Variants in PROM1 observed in about 807,000 individuals in gnomAD.
The protein encoded by PROM1 is prominin 1, also known as prominin-1.
PROM1 carries 105 observed loss-of-function variants against 116.9 expected under a neutral mutation model. The ratio of observed to expected loss-of-function variants is 0.90; its 90% CI spans 0.77 to 1.06. The LOEUF (loss-of-function observed/expected upper bound fraction) is 1.06, where lower values mean the gene tolerates loss of function less well. Ranked by LOEUF, PROM1 falls within the 50% of genes least tolerant of loss-of-function variation. The pLI, the probability that PROM1 is intolerant of heterozygous loss-of-function variation, is 0.00. For missense variants in PROM1, 1,122 were observed against 1,045.2 expected (o/e 1.07, Z -1.01); for synonymous variants, 393 against 387.0 (o/e 1.02, Z -0.18).
chr4:16,006,835 G>T (rs760603113), intron 12 of PROM1, 145 bp from the exon 13 acceptor site: 15 of 799,560 alleles, frequency 1.9e-5, no homozygotes, highest in Non-Finnish European at 2.9e-5. Context: ...GGACAATAAT[G>T]TTGAGTGAAA....
intron 13 of PROM1, 78 bp downstream of exon 13, chr4:16,006,460 T>G: frequency 2.7e-6 from 4 of 1,457,982 alleles, no homozygotes; most frequent in Non-Finnish European, 3.7e-6. Context: ...GGCGCCGGGT[T>G]CATGTAACAC....
Position 16,013,278 on chromosome 4 carries a change from C to T in PROM1, c.1138G>A (p.Ala380Thr). 1 of 1,604,682 alleles carries T rather than the reference C, an allele frequency of 6.2e-7. No homozygotes were observed. Among genetic ancestry groups the T allele is most frequent in the Non-Finnish European group, 8.5e-7 (1 of 1,171,494 alleles). The stretch of plus-strand genomic sequence containing the variant: ...CACCTCAAACTGTGAATCTCACCTG[C>T]TACGACAGTCGTGGTTTGGCGTTGT... ...RVQRQTTTVV[A>T]GIKRVLNSIG... The change falls in exon 11 of 28, where the codon GCA (alanine) becomes ACA (threonine). Residue 380 changes from alanine to threonine, a missense_variant. Coordinates refer to ENST00000447510, the MANE Select transcript of PROM1 (RefSeq NM_006017.3).
intron 14 of PROM1, among the ~76,000 whole-genome samples, chr4:16,000,006 T>C (rs1389267521): frequency 6.6e-6 from 1 of 152,210 alleles, no homozygotes; most frequent in Non-Finnish European, 1.5e-5. Flanking sequence ...CTGGTGGCAC[T>C]ACTAGACGTG....
At chr4:16,013,697 T>G (rs1727517465) in intron 10 of PROM1, among the ~76,000 whole-genome samples, 1 of 152,148 alleles carries the variant, frequency 6.6e-6, no homozygotes, top group Admixed American at 6.5e-5. Context: ...TTTGGCAAAG[T>G]CTGGAGACAT....
chr4:16,011,569 G>A (rs990605714), intron 11 of PROM1, among the ~76,000 whole-genome samples: 1 of 152,208 alleles, frequency 6.6e-6, no homozygotes, highest in Non-Finnish European at 1.5e-5. Flanking sequence ...ACAATTTGCT[G>A]TGTCAGACTT....
chr4:16,006,354 C>T (rs1347569427), intron 13 of PROM1, among the ~76,000 whole-genome samples, 184 bp downstream of exon 13: 2 of 152,180 alleles, frequency 1.3e-5, no homozygotes, highest in Non-Finnish European at 2.9e-5. Flanking sequence ...AATGTTTAGG[C>T]TTGACAGAAG....
In PROM1 at chr4:16,002,106, TGAG is replaced by T. The variant is rs537176880; in HGVS notation, c.1455-1490_1455-1488del. On this transcript the variant is annotated intron_variant, in intron 13 of 27. Coordinates refer to ENST00000447510, the MANE Select transcript of PROM1 (RefSeq NM_006017.3). ...GTTGCATGATGGCTTCTATTTTCTC[TGAG>T]AAGAAGGAGGTAAAGCCATCTGCTG... 1.0e-3 allele frequency among the ~76,000 whole-genome samples: 153 copies of T among 151,840 alleles called. 1 individual carries two copies. The highest frequency in any genetic ancestry group is 3.6e-3 in the African/African-American group (148 of 41,384).
At position 15,989,807 on chromosome 4, in the gene PROM1, C is replaced by T. The variant is rs938627050; in HGVS notation, c.2001G>A (p.Arg667=). The T allele has an allele frequency of 1.9e-6, 3 of 1,605,112 alleles. No individual in the cohort carries two copies. Among genetic ancestry groups the T allele is most frequent in the Non-Finnish European group, 2.6e-6 (3 of 1,174,928 alleles). Residue 667 remains arginine (R), a synonymous_variant, in exon 19 of 28, where the codon AGG becomes AGA. Transcript: ENST00000447510. ...TTTGTGCATCTCTTTTCAGGGAGTT[C>T]CTCAAATTTCCTGGGGGCTACAAAA... The part of the protein sequence containing the change: ...KANSLPPGNL[R]NSLKRDAQTI...
rs1296717793 is a variant in PROM1, at chr4:16,045,094, GCC to G, written c.221-6095_221-6094del. 3.2e-3 allele frequency among the ~76,000 whole-genome samples: 481 copies of G among 152,134 alleles called. 4 individuals carry two copies. The highest frequency in any genetic ancestry group is 0.011 in the African/African-American group (450 of 41,504). ...GGCCTTCAACACTCCACTCTTCCCT[GCC>G]GGCCCTCAGCAAGTGGCACAGAATG... On this transcript the variant is annotated intron_variant, in intron 2 of 27. Transcript: ENST00000447510.
At position 16,061,616 on chromosome 4, in the gene PROM1, C is replaced by T. The variant is rs905205733; in HGVS notation, c.220+14071G>A. Among the ~76,000 whole-genome samples the T allele has an allele frequency of 9.9e-5, 15 of 152,278 alleles. No homozygotes were observed. The East Asian group carries it at 2.9e-3, about 29-fold the overall frequency. On this transcript the variant is annotated intron_variant, in intron 2 of 27. Transcript: ENST00000447510. ...TGACCACTCTGTCGGATGCTCTCGG[C>T]CCTCTGCGAATACAGCTCATTTATC...
chr4:16,009,957 A>AAAAAAAAAAAAT (rs1726489492), intron 11 of PROM1, among the ~76,000 whole-genome samples: 1 of 138,600 alleles, frequency 7.2e-6, no homozygotes, highest in Non-Finnish European at 1.6e-5. Context: ...AAAAAAAAAA[A>AAAAAAAAAAAAT]GTCTTCAGGA....
In PROM1 at chr4:16,018,374, G is replaced by A. The variant is rs1383018733; in HGVS notation, c.951C>T (p.Asn317=). ...CLVHPSSETC[N]SIRLSLSQLN... is the part of the protein sequence containing the mutation. ...GCTGGCTTAGAGACAATCTGATGCT[G>A]TTGCAGGTTTCACTTGATGGATGCA... The change falls in exon 9 of 28, where the codon AAC becomes AAT. Residue 317 remains asparagine (N), a synonymous_variant. Transcript: ENST00000447510. 1.2e-6 allele frequency: 2 copies of A among 1,613,750 alleles called. No individual in the cohort carries two copies. The highest frequency in any genetic ancestry group is 2.7e-5 in the African/African-American group (2 of 75,048).
intron 11 of PROM1, among the ~76,000 whole-genome samples, chr4:16,012,238 C>G (rs955205398): frequency 5.3e-5 from 8 of 152,136 alleles, no homozygotes; most frequent in African/African-American, 1.4e-4. Context: ...CTCAGGTGAC[C>G]TACCCGCCTT....
Position 16,019,136 on chromosome 4 carries a change from G to C in PROM1, c.785-596C>G, listed in dbSNP as rs1578060943. 2.0e-5 allele frequency among the ~76,000 whole-genome samples: 3 copies of C among 152,152 alleles called. 1 individual carries two copies. In the East Asian group the frequency reaches 5.8e-4, roughly 29 times the overall value. On this transcript the variant is annotated intron_variant, in intron 8 of 27. Transcript: ENST00000447510. ...CACCACATTCATCATGCAACATGGG[G>C]GTTAGATCGGCCAGATGAAAATGCC...
At chr4:15,981,847 T>C (rs552009233) in intron 23 of PROM1, among the ~76,000 whole-genome samples, 1 of 152,346 alleles carries the variant, frequency 6.6e-6, no homozygotes, top group South Asian at 2.1e-4. Context: ...AGATTTCACA[T>C]GTAAACCTGG....
chr4:16,065,384 G>C (rs1741292250), intron 2 of PROM1, among the ~76,000 whole-genome samples: 1 of 152,154 alleles, frequency 6.6e-6, no homozygotes. Flanking sequence ...CACACTCATA[G>C]CTTAGTTTGA....
intron 26 of PROM1, among the ~76,000 whole-genome samples, chr4:15,974,673 G>T (rs1715636596): frequency 6.6e-6 from 1 of 151,892 alleles, no homozygotes; most frequent in Non-Finnish European, 1.5e-5. Flanking sequence ...GTCTTGTTGT[G>T]TTGCCCAGGC....
At position 16,075,944 on chromosome 4, in the gene PROM1, T is replaced by C; in HGVS notation, c.-38A>G. 6.5e-7 allele frequency: 1 copy of C among 1,545,478 alleles called. No homozygotes were observed. Among genetic ancestry groups the C allele is most frequent in the South Asian group, 1.2e-5 (1 of 81,346 alleles). On this transcript the variant is annotated 5_prime_UTR_variant, in exon 2 of 28. Coordinates refer to ENST00000447510, the MANE Select transcript of PROM1 (RefSeq NM_006017.3). ...CCTCCAAACATGAGGTAGAACTTGG[T>C]GCCTCCTGCCTCAGAGCTTCTGGAA...
rs773846171 is a variant in PROM1 at position 16,075,914 on chromosome 4, A to G, written c.-8T>C. 6 of 1,599,300 alleles carry G rather than the reference A, an allele frequency of 3.8e-6. No homozygotes were observed. The East Asian group carries it at 1.3e-4, about 36-fold the overall frequency. ...GCCGAGTACGAGGGCCATAGCTAGC[A>G]AGATCCTCCAAACATGAGGTAGAAC... On this transcript the variant is annotated 5_prime_UTR_variant, in exon 2 of 28. Coordinates refer to ENST00000447510, the MANE Select transcript of PROM1 (RefSeq NM_006017.3).
Sources: allele counts gnomAD v4.1 joint callset (sites outside exome capture counted in the v4.1 genomes callset), GRCh38; gene constraint gnomAD v4.1.1; transcripts MANE v1.5; gene names NCBI Gene and HGNC (gene_info 2026-07-23, HGNC 2026-07-21).